RFC1: variants seen among roughly 807,000 people sequenced by gnomAD.
The protein encoded by RFC1 is A1 140 kDa subunit.
A neutral mutation model predicts 137.4 loss-of-function variants in RFC1; 37 were observed. The ratio of observed to expected loss-of-function variants is 0.27; its 90% CI spans 0.21 to 0.35. RFC1 has a LOEUF of 0.35. RFC1 is among the 10% of genes least tolerant of loss of function. The pLI, the probability that RFC1 is intolerant of heterozygous loss-of-function variation, is 1.00. For missense variants in RFC1, 1,205 were observed against 1,358.5 expected (o/e 0.89, Z 1.78); for synonymous variants, 429 against 455.7 (o/e 0.94, Z 0.75).
At chr4:39,359,778 C>A (rs755030585) in intron 1 of RFC1, among the ~76,000 whole-genome samples, 3 of 150,412 alleles carry the variant, frequency 2.0e-5, no homozygotes, top group African/African-American at 4.9e-5. Flanking sequence ...GCCAAGATTG[C>A]GCCACTGCAC....
chr4:39,364,245 AC>A lies in RFC1; in HGVS notation c.3+1993del, dbSNP rs1741908492. ...AAGATTGAGAACTACTGTCCTTCATACCCAACGACACAGTCTGAGGGAAAAA... is the reference window on the plus strand; with the variant it reads ...AAGATTGAGAACTACTGTCCTTCATACCAACGACACAGTCTGAGGGAAAAA... On this transcript the variant is annotated intron_variant, in intron 1 of 24. Transcript: ENST00000349703. Among the ~76,000 whole-genome samples the A allele has an allele frequency of 9.4e-5, 13 of 138,586 alleles. No individual in the cohort carries two copies. The South Asian group carries it at 3.4e-3, about 36-fold the overall frequency. The allele number at this position is 138,586 out of a possible 152,430, so 90.9% of individuals were successfully genotyped here. A position where few individuals can be genotyped will look rare whatever the true frequency, so the allele number is the denominator to read the frequency against.
intron 1 of RFC1, among the ~76,000 whole-genome samples, chr4:39,360,549 TAAAATAA>T (rs1741705182): frequency 8.2e-6 from 1 of 122,632 alleles, no homozygotes; most frequent in African/African-American, 3.0e-5. Flanking sequence ...TAAAATAAAA[TAAAATAA>T]ATACAATAAA....
chr4:39,287,619 T>C lies in RFC1; in HGVS notation c.*1142A>G, dbSNP rs1737440496. On this transcript the variant is annotated 3_prime_UTR_variant, in exon 25 of 25. Transcript: ENST00000349703. ...GAATACGATCCTTATTTTACATTCA[T>C]TTTAGTATATACCTCACAGAGGTAG... is the stretch of plus-strand genomic sequence containing the variant. 6.6e-6 allele frequency: 1 copy of C among 152,204 alleles called. No homozygotes were observed. The highest frequency in any genetic ancestry group is 1.5e-5 in the Non-Finnish European group (1 of 68,026). The allele number at this position is 152,204 out of a possible 1,614,324, so 9.4% of individuals were successfully genotyped here.
chr4:39,323,285 T>C (rs1739609229), intron 7 of RFC1, 55 bp downstream of exon 7: 2 of 1,373,664 alleles, frequency 1.5e-6, no homozygotes. Flanking sequence ...CACGCAAGTA[T>C]GAACACTGAT....
chr4:39,350,784 A>C (rs1471285814), intron 2 of RFC1, among the ~76,000 whole-genome samples: 1 of 152,230 alleles, frequency 6.6e-6, no homozygotes, highest in Non-Finnish European at 1.5e-5. Context: ...GAAAACTCAG[A>C]TCTTCAGTGA....
At chr4:39,329,123 C>T (rs1181672088) in intron 4 of RFC1, among the ~76,000 whole-genome samples, 1 of 17,114 alleles carries the variant, frequency 5.8e-5, no homozygotes, top group Non-Finnish European at 9.9e-5. Context: ...GCTTCAGTGA[C>T]TCACAAAAAA....
chr4:39,316,993 T>A lies in RFC1; in HGVS notation c.1125A>T (p.Lys375Asn). Residue 375 changes from lysine (K) to asparagine (N), a missense_variant, in exon 10 of 25, where the codon AAA becomes AAT. By Grantham distance (94) the Lys-to-Asn change is moderately conservative. Transcript: ENST00000349703. ...TTCGATAAGCTTGATAATTAGTGCG[T>A]TTCTTTTCAGAATCTTCAGGACTTA... ...ESVSPEDSEKKRTNYQAYRSY... is the reference protein window; with the variant it reads ...ESVSPEDSEKNRTNYQAYRSY... 1 of 1,613,984 alleles carries A rather than the reference T, an allele frequency of 6.2e-7. No homozygotes were observed. Among genetic ancestry groups the A allele is most frequent in the Non-Finnish European group, 8.5e-7 (1 of 1,179,856 alleles).
At chr4:39,314,685 C>T (rs1448293328) in intron 10 of RFC1, among the ~76,000 whole-genome samples, 1 of 152,066 alleles carries the variant, frequency 6.6e-6, no homozygotes, top group African/African-American at 2.4e-5. Context: ...CCATAAGCCC[C>T]TTAAGGCCGA....
intron 22 of RFC1, among the ~76,000 whole-genome samples, chr4:39,294,820 C>T (rs1272273339): frequency 9.9e-5 from 15 of 152,150 alleles, no homozygotes; most frequent in African/African-American, 3.4e-4. Context: ...TTGGGCAACA[C>T]GATGAAACCC....
chr4:39,314,416 A>C (rs1002041696), intron 10 of RFC1, among the ~76,000 whole-genome samples: 1 of 152,124 alleles, frequency 6.6e-6, no homozygotes, highest in Non-Finnish European at 1.5e-5. Context: ...TTACTTATCC[A>C]ATCTTAGCAC....
chr4:39,363,993 TCGCTTGTACCCC>T (rs1248556629), intron 1 of RFC1, among the ~76,000 whole-genome samples: 1 of 146,246 alleles, frequency 6.8e-6, no homozygotes, highest in Non-Finnish European at 1.5e-5. Context: ...GGTGGAAGGA[TCGCTTGTACCCC>T]GGAATTAGAG....
At chr4:39,342,020 T>C (rs1740625588) in intron 4 of RFC1, among the ~76,000 whole-genome samples, 1 of 152,246 alleles carries the variant, frequency 6.6e-6, no homozygotes, top group South Asian at 2.1e-4. Context: ...TTATTGACTT[T>C]GGCCTGCCAG....
At chr4:39,323,137 A>C in intron 7 of RFC1, 1 of 378,386 alleles carries the variant, frequency 2.6e-6, no homozygotes. Context: ...TTGTGATAAA[A>C]GGTTCTGGTT....
intron 12 of RFC1, 62 bp downstream of exon 12, chr4:39,311,381 CAT>C (rs1738952923): frequency 2.2e-6 from 3 of 1,345,600 alleles, no homozygotes; most frequent in Non-Finnish European, 3.2e-6. Context: ...CCACCCAAGA[CAT>C]ATGTCTATGA....
intron 4 of RFC1, among the ~76,000 whole-genome samples, chr4:39,330,768 T>G (rs763273503): frequency 1.2e-4 from 19 of 152,292 alleles, no homozygotes; most frequent in Non-Finnish European, 2.4e-4. Context: ...CTATAGTCAA[T>G]CTACCGTCAA....
chr4:39,363,513 T>C (rs1741859728), intron 1 of RFC1, among the ~76,000 whole-genome samples: 1 of 152,234 alleles, frequency 6.6e-6, no homozygotes, highest in Non-Finnish European at 1.5e-5. Flanking sequence ...ACTTTATTTC[T>C]TTATTGATAA....
chr4:39,304,131 T>C (rs1044060053), intron 15 of RFC1, among the ~76,000 whole-genome samples: 1 of 152,174 alleles, frequency 6.6e-6, no homozygotes, highest in African/African-American at 2.4e-5. Context: ...TTTTGAACAA[T>C]GTGAAGGCAC....
intron 6 of RFC1, among the ~76,000 whole-genome samples, chr4:39,325,755 T>A (rs1257514888): frequency 6.6e-6 from 1 of 152,188 alleles, no homozygotes; most frequent in African/African-American, 2.4e-5. Flanking sequence ...TCAAGGCACA[T>A]TCAGATTATG....
At chr4:39,354,690 A>G (rs1196616185) in intron 1 of RFC1, among the ~76,000 whole-genome samples, 2 of 150,020 alleles carry the variant, frequency 1.3e-5, no homozygotes, top group Admixed American at 6.7e-5. Flanking sequence ...GGCTGAGACA[A>G]GAGGATTGCT....
Sources: gnomAD v4.1 joint callset for allele counts (sites outside exome capture counted in the v4.1 genomes callset) on GRCh38, gnomAD v4.1.1 for gene constraint, MANE v1.5 for transcripts, NCBI Gene and HGNC (gene_info 2026-07-23, HGNC 2026-07-21) for gene names.